Variants in TMEM163 observed in about 807,000 individuals in gnomAD.
TMEM163 encodes transmembrane protein 163.
Under a neutral mutation model 29.3 loss-of-function variants are expected in TMEM163, and 17 were observed. That is an observed-to-expected ratio of 0.58 (90% CI 0.40 to 0.87). TMEM163 has a LOEUF of 0.87. Among genes scored for constraint, TMEM163 ranks in the 40% least tolerant of loss-of-function variants. The probability of loss-of-function intolerance (pLI) is 0.00; values close to 1 mark genes in which losing one functional copy is unlikely to be tolerated. For synonymous variants in TMEM163, 157 were observed against 160.6 expected (o/e 0.98, Z 0.17); for missense variants, 303 against 381.5 (o/e 0.79, Z 1.71).
At chr2:134,515,248 A>T (rs1185346301) in intron 4 of TMEM163, among the ~76,000 whole-genome samples, 5 of 152,206 alleles carry the variant, frequency 3.3e-5, no homozygotes, top group African/African-American at 1.2e-4. Flanking sequence ...TTACTGAATC[A>T]AAAAGACAAG....
intron 2 of TMEM163, among the ~76,000 whole-genome samples, chr2:134,690,141 G>A (rs1016268388): frequency 6.6e-6 from 1 of 152,104 alleles, no homozygotes; most frequent in Non-Finnish European, 1.5e-5. Flanking sequence ...ATGTTGGCCA[G>A]GCTGGTCTCC....
chr2:134,617,659 A>T (rs776068756), intron 2 of TMEM163, among the ~76,000 whole-genome samples: 73 of 125,066 alleles, frequency 5.8e-4, no homozygotes, highest in Non-Finnish European at 7.3e-4. Flanking sequence ...TTTGATTAAT[A>T]TACAAAGCAA....
intron 2 of TMEM163, among the ~76,000 whole-genome samples, chr2:134,669,449 C>T (rs545995113): frequency 2.0e-5 from 3 of 152,230 alleles, no homozygotes; most frequent in Non-Finnish European, 4.4e-5. Flanking sequence ...AGTACAGATT[C>T]TCTAACACCC....
At chr2:134,606,636 C>G (rs1023389052) in intron 2 of TMEM163, among the ~76,000 whole-genome samples, 4 of 152,038 alleles carry the variant, frequency 2.6e-5, no homozygotes, top group Non-Finnish European at 5.9e-5. Flanking sequence ...GTCATCGCGC[C>G]CCAGCACCTA....
intron 2 of TMEM163, among the ~76,000 whole-genome samples, chr2:134,681,818 C>T (rs1360453152): frequency 6.6e-6 from 1 of 152,188 alleles, no homozygotes; most frequent in African/African-American, 2.4e-5. Context: ...CAGCCTGATG[C>T]CCACCTACTG....
At chr2:134,470,907 C>T (rs1249332307) in intron 5 of TMEM163, among the ~76,000 whole-genome samples, 3 of 152,226 alleles carry the variant, frequency 2.0e-5, no homozygotes, top group East Asian at 1.9e-4. Context: ...CATGGTGGCT[C>T]ATGCCTGGAA....
chr2:134,709,768 C>T (rs1684888004), intron 2 of TMEM163, among the ~76,000 whole-genome samples: 1 of 152,174 alleles, frequency 6.6e-6, no homozygotes, highest in South Asian at 2.1e-4. Flanking sequence ...TACCCTCCTC[C>T]CTTCTGGAAT....
intron 2 of TMEM163, among the ~76,000 whole-genome samples, chr2:134,683,587 G>A (rs1558990697): frequency 6.6e-6 from 1 of 152,132 alleles, no homozygotes; most frequent in South Asian, 2.1e-4. Context: ...GCTTATTAGT[G>A]GTTCTGCAAC....
intron 2 of TMEM163, among the ~76,000 whole-genome samples, chr2:134,696,740 G>C (rs1684589910): frequency 6.6e-6 from 1 of 152,098 alleles, no homozygotes; most frequent in Non-Finnish European, 1.5e-5. Context: ...CCCATCCCCA[G>C]CAGCTTTGTT....
At chr2:134,556,963 G>T (rs1404172740) in intron 2 of TMEM163, among the ~76,000 whole-genome samples, 2 of 152,210 alleles carry the variant, frequency 1.3e-5, no homozygotes, top group African/African-American at 4.8e-5. Context: ...GGAACAGGGG[G>T]AGTTCTAGCC....
chr2:134,493,797 C>T (rs1447656009), intron 5 of TMEM163, among the ~76,000 whole-genome samples: 3 of 152,116 alleles, frequency 2.0e-5, no homozygotes, highest in African/African-American at 7.2e-5. Flanking sequence ...TTTGAGTTAG[C>T]TCTTGAATAA....
intron 4 of TMEM163, among the ~76,000 whole-genome samples, chr2:134,508,934 T>C (rs1679886259): frequency 6.6e-6 from 1 of 152,190 alleles, no homozygotes; most frequent in African/African-American, 2.4e-5. Flanking sequence ...CTCCACTTCC[T>C]CAAGTTGCAA....
chr2:134,630,474 G>A (rs1682942619), intron 2 of TMEM163, among the ~76,000 whole-genome samples: 2 of 152,080 alleles, frequency 1.3e-5, no homozygotes. Context: ...GCAGCGCTGT[G>A]CAGAGAATAA....
At chr2:134,595,455 G>A (rs965840550) in intron 2 of TMEM163, among the ~76,000 whole-genome samples, 1 of 152,184 alleles carries the variant, frequency 6.6e-6, no homozygotes, top group South Asian at 2.1e-4. Flanking sequence ...TCATCATTTT[G>A]TATGGCTGCA....
chr2:134,602,748 C>T (rs573786529), intron 2 of TMEM163, among the ~76,000 whole-genome samples: 5 of 152,120 alleles, frequency 3.3e-5, no homozygotes, highest in Non-Finnish European at 7.4e-5. Context: ...TCATTCCCTC[C>T]TCTCCTCCTT....
chr2:134,641,416 C>A (rs977583587), intron 2 of TMEM163, among the ~76,000 whole-genome samples: 1 of 152,210 alleles, frequency 6.6e-6, no homozygotes, highest in East Asian at 1.9e-4. Context: ...AATATCTTTG[C>A]GAACTGAGCA....
intron 2 of TMEM163, among the ~76,000 whole-genome samples, chr2:134,703,254 G>A (rs544947971): frequency 6.6e-6 from 1 of 152,252 alleles, no homozygotes; most frequent in South Asian, 2.1e-4. Flanking sequence ...ATGCAGCTGT[G>A]CACCAGGTGA....
At chr2:134,524,470 A>T (rs752220404) in intron 4 of TMEM163, among the ~76,000 whole-genome samples, 3 of 150,194 alleles carry the variant, frequency 2.0e-5, no homozygotes, top group African/African-American at 4.9e-5. Flanking sequence ...CCATCAACAC[A>T]TCACCTAGGT....
intron 2 of TMEM163, among the ~76,000 whole-genome samples, chr2:134,553,948 T>A (rs1365500472): frequency 6.6e-6 from 1 of 152,236 alleles, no homozygotes; most frequent in East Asian, 1.9e-4. Context: ...ACGTGCTCCA[T>A]AACTGTTAAC....
Sources: gnomAD v4.1 joint callset for allele counts (sites outside exome capture counted in the v4.1 genomes callset) on GRCh38, gnomAD v4.1.1 for gene constraint, MANE v1.5 for transcripts, NCBI Gene and HGNC (gene_info 2026-07-23, HGNC 2026-07-21) for gene names.